DNAJC5B: variants seen among roughly 807,000 people sequenced by gnomAD.
DNAJC5B encodes the protein dnaJ homolog subfamily C member 5B.
DNAJC5B carries 23 observed loss-of-function variants against 24.7 expected under a neutral mutation model. That is an observed-to-expected ratio of 0.93 (90% CI 0.67 to 1.32). The LOEUF is 1.32. Ranked by LOEUF, DNAJC5B falls within the 40% of genes most tolerant of loss-of-function variation. The pLI, the probability that DNAJC5B is intolerant of heterozygous loss-of-function variation, is 0.00. For synonymous variants in DNAJC5B, 101 were observed against 90.1 expected (o/e 1.12, Z -0.68); for missense variants, 238 against 240.8 (o/e 0.99, Z 0.08).
intron 1 of DNAJC5B, among the ~76,000 whole-genome samples, chr8:66,040,818 G>A (rs897346304): frequency 6.6e-5 from 10 of 152,102 alleles, no homozygotes; most frequent in African/African-American, 2.2e-4. Context: ...CTTAGCCTTC[G>A]ATAATTCTAT....
At chr8:66,095,844 C>T (rs1300376612) in intron 5 of DNAJC5B, among the ~76,000 whole-genome samples, 2 of 152,076 alleles carry the variant, frequency 1.3e-5, no homozygotes, top group Admixed American at 1.3e-4. Context: ...TCTAACTTGA[C>T]TGCTCTGTGA....
intron 3 of DNAJC5B, among the ~76,000 whole-genome samples, chr8:66,069,017 A>AT (rs530954743): frequency 2.0e-4 from 30 of 151,170 alleles, no homozygotes; most frequent in Non-Finnish European, 2.7e-4. Flanking sequence ...ATAAAGACAT[A>AT]TTTTTTTTTA....
chr8:66,019,351 C>A (rs1347322932), upstream of DNAJC5B, among the ~76,000 whole-genome samples: 3 of 152,126 alleles, frequency 2.0e-5, no homozygotes, highest in Non-Finnish European at 4.4e-5. Flanking sequence ...CACTGCATAT[C>A]TTTTTTCCAT....
In DNAJC5B at chr8:66,078,923, A is replaced by ACACAGG. The variant is rs145888548; in HGVS notation, c.334-1449_334-1444dup. On this transcript the variant is annotated intron_variant, in intron 4 of 5. Coordinates refer to ENST00000276570, the MANE Select transcript of DNAJC5B (RefSeq NM_033105.6). ...TTCTACCTGAAGTTATTGAAGAAAT[A>ACACAGG]CACAGGCACACAAGTCCTCTTTGTC... Among the ~76,000 whole-genome samples the ACACAGG allele has an allele frequency of 6.4e-4, 98 of 152,322 alleles. 2 individuals are homozygous for ACACAGG. In the East Asian group the frequency reaches 0.017, roughly 27 times the overall value.
intron 5 of DNAJC5B, among the ~76,000 whole-genome samples, chr8:66,096,652 T>C (rs1422120865): frequency 6.6e-6 from 1 of 152,182 alleles, no homozygotes; most frequent in Non-Finnish European, 1.5e-5. Context: ...TTTTGTCTTA[T>C]ATCTTATTTT....
chr8:66,042,895 C>G (rs1438422173), intron 1 of DNAJC5B, among the ~76,000 whole-genome samples: 1 of 151,974 alleles, frequency 6.6e-6, no homozygotes, highest in Admixed American at 6.6e-5. Context: ...AAACAGCACA[C>G]TTAAACTACT....
intron 3 of DNAJC5B, among the ~76,000 whole-genome samples, chr8:66,072,318 C>T (rs1807368829): frequency 6.6e-6 from 1 of 152,118 alleles, no homozygotes; most frequent in African/African-American, 2.4e-5. Context: ...TGCAAACCTA[C>T]ATTCATAGTG....
At chr8:66,066,730 G>A (rs897597173) in intron 3 of DNAJC5B, among the ~76,000 whole-genome samples, 2 of 151,886 alleles carry the variant, frequency 1.3e-5, no homozygotes, top group African/African-American at 4.8e-5. Context: ...GAAGGGGGAG[G>A]GTAGAAGGGG....
intron 5 of DNAJC5B, among the ~76,000 whole-genome samples, chr8:66,098,312 C>T (rs1008028565): frequency 5.3e-5 from 8 of 152,250 alleles, no homozygotes; most frequent in South Asian, 4.1e-4. Flanking sequence ...AAGCAATTCT[C>T]CTTGCCTCAG....
chr8:66,099,035 G>GTC (rs1300166349), intron 5 of DNAJC5B, among the ~76,000 whole-genome samples: 1 of 122,142 alleles, frequency 8.2e-6, no homozygotes, highest in African/African-American at 4.9e-5. Flanking sequence ...CTCTCTCTCT[G>GTC]TCACACACAC....
chr8:66,039,953 A>G (rs1453089229), intron 1 of DNAJC5B, among the ~76,000 whole-genome samples: 1 of 152,082 alleles, frequency 6.6e-6, no homozygotes, highest in Non-Finnish European at 1.5e-5. Flanking sequence ...CCAAACTTCA[A>G]CCCTAGAAAA....
intron 3 of DNAJC5B, among the ~76,000 whole-genome samples, chr8:66,069,858 A>T (rs886826002): frequency 2.0e-5 from 3 of 152,244 alleles, no homozygotes; most frequent in African/African-American, 2.4e-5. Flanking sequence ...AGGCTTGTCC[A>T]TCACGAACAA....
chr8:66,061,289 A>G (rs775995144), intron 3 of DNAJC5B, among the ~76,000 whole-genome samples: 9 of 152,170 alleles, frequency 5.9e-5, no homozygotes, highest in Non-Finnish European at 1.3e-4. Context: ...AAGATCCCAT[A>G]TCTAAAAATG....
chr8:66,049,594 T>G (rs1189260808), intron 2 of DNAJC5B, among the ~76,000 whole-genome samples: 3 of 152,216 alleles, frequency 2.0e-5, no homozygotes, highest in African/African-American at 7.2e-5. Context: ...ATACACTCTG[T>G]GATGTTCACA....
chr8:66,031,917 T>C (rs933452477), intron 1 of DNAJC5B, among the ~76,000 whole-genome samples: 14 of 152,362 alleles, frequency 9.2e-5, no homozygotes, highest in Middle Eastern at 3.4e-3. Context: ...CCTAGTCAAG[T>C]TGACACATAA....
chr8:66,076,836 T>TG lies in DNAJC5B; in HGVS notation c.296_297insG (p.Asn100Ter). The TG allele has an allele frequency of 6.2e-7, 1 of 1,614,112 alleles. No individual in the cohort carries two copies. The highest frequency in any genetic ancestry group is 1.3e-5 in the African/African-American group (1 of 74,998). On this transcript the variant is annotated frameshift_variant, in exon 4 of 6. Transcript: ENST00000276570. LOFTEE classifies it high-confidence loss of function. ...GCCGAGCAGTTTGGAGACGAAAACG[T>TG]TAACACCTACTTCATGCTGTCGAGC...
At chr8:66,095,296 C>T (rs1177597323) in intron 5 of DNAJC5B, among the ~76,000 whole-genome samples, 5 of 151,756 alleles carry the variant, frequency 3.3e-5, no homozygotes, top group Non-Finnish European at 7.4e-5. Context: ...TTTTTATTTA[C>T]AAAAAGAAAA....
At chr8:66,018,700 T>C (rs540895677), upstream of DNAJC5B, among the ~76,000 whole-genome samples, 2 of 151,770 alleles carry the variant, frequency 1.3e-5, no homozygotes, top group Non-Finnish European at 2.9e-5. Flanking sequence ...GCCGTGAGAT[T>C]TGGAGGCAGT....
intron 3 of DNAJC5B, among the ~76,000 whole-genome samples, chr8:66,071,375 C>CA (rs1479551233): frequency 6.6e-6 from 1 of 152,126 alleles, no homozygotes; most frequent in Admixed American, 6.5e-5. Flanking sequence ...ACAACCCCAT[C>CA]AAAAAGTGGG....
Sources: allele counts gnomAD v4.1 joint callset (sites outside exome capture counted in the v4.1 genomes callset), GRCh38; gene constraint gnomAD v4.1.1; transcripts MANE v1.5; gene names NCBI Gene and HGNC (gene_info 2026-07-23, HGNC 2026-07-21).